Variants in OR4K17 observed in about 807,000 individuals in gnomAD.
The protein encoded by OR4K17 is olfactory receptor family 4 subfamily K member 17, also known as olfactory receptor 4K17.
For missense variants in OR4K17, 480 were observed against 366.3 expected, an observed-to-expected ratio of 1.31 and a Z score of -2.53; for synonymous variants, 157 against 132.8, an observed-to-expected ratio of 1.18 and a Z score of -1.25.
In OR4K17 at chr14:20,120,807, C is replaced by A. The variant is rs1878148707; in HGVS notation, c.*2369C>A. 6.6e-6 allele frequency: 1 copy of A among 152,408 alleles called. No individual in the cohort carries two copies. Among genetic ancestry groups the A allele is most frequent in the Non-Finnish European group, 1.5e-5 (1 of 68,212 alleles). 9.4% of individuals were successfully genotyped at this position (152,408 alleles called of 1,614,324 possible). ...ACATTTATGCCAAAACCACCACAAG[C>A]AGTTTCTCAAGCTGGACCCAGTGCC... On this transcript the variant is annotated 3_prime_UTR_variant, in exon 2 of 2. Transcript: ENST00000641386.
In OR4K17 at chr14:20,118,038, A is replaced by G. The variant is rs1878052064; in HGVS notation, c.539A>G (p.Asp180Gly). The change falls in exon 2 of 2, where the codon GAC (aspartate) becomes GGC (glycine). Residue 180 changes from aspartate (D) to glycine (G), a missense_variant. By Grantham distance (94) the Asp-to-Gly change is moderately conservative (BLOSUM62 -1). Transcript: ENST00000641386. ...GPNVVDSIFC[D>G]LPLVTKLACI... ...AATGTGGTAGACAGCATTTTTTGTG[A>G]CCTCCCTTTGGTTACTAAGCTTGCC... The G allele has an allele frequency of 1.9e-6, 3 of 1,613,102 alleles. No individual in the cohort carries two copies. In the South Asian group the frequency reaches 3.3e-5, roughly 18 times the overall value.
Position 20,119,297 on chromosome 14 carries a change from A to G in OR4K17, c.*859A>G, listed in dbSNP as rs762732407. 6.6e-6 allele frequency: 1 copy of G among 152,156 alleles called. No homozygotes were observed. Among genetic ancestry groups the G allele is most frequent in the East Asian group, 1.9e-4 (1 of 5,182 alleles). 9.4% of individuals were successfully genotyped at this position (152,156 alleles called of 1,614,324 possible). On this transcript the variant is annotated 3_prime_UTR_variant, in exon 2 of 2. Transcript: ENST00000641386. ...TTTATGAACAATTTGTGCCATTAACATAATCATCACAGGGTCCTGAGGCAA... is the reference window on the plus strand; with the variant it reads ...TTTATGAACAATTTGTGCCATTAACGTAATCATCACAGGGTCCTGAGGCAA...
At chr14:20,112,503 G>T (rs1438427019) in intron 1 of OR4K17, among the ~76,000 whole-genome samples, 1 of 152,088 alleles carries the variant, frequency 6.6e-6, no homozygotes, top group Non-Finnish European at 1.5e-5. Context: ...CAAAGTGGGT[G>T]TTCAGAGTCA....
intron 1 of OR4K17, among the ~76,000 whole-genome samples, chr14:20,115,373 A>G (rs1198932194): frequency 6.6e-6 from 1 of 152,080 alleles, no homozygotes; most frequent in Non-Finnish European, 1.5e-5. Flanking sequence ...TTTTGTATGT[A>G]TATGCTTATA....
Position 20,117,900 on chromosome 14 carries a change from C to A in OR4K17, c.401C>A (p.Thr134Asn), listed in dbSNP as rs755449310. 1.3e-5 allele frequency: 21 copies of A among 1,614,018 alleles called. No homozygotes were observed. The highest frequency in any genetic ancestry group is 2.7e-5 in the African/African-American group (2 of 74,996). The part of the protein sequence containing the change: ...VAICKPLHYM[T>N]IMNKKVCVLL... ...ATTTGTAAGCCCCTACACTACATGA[C>A]CATCATGAACAAGAAGGTATGTGTT... The change falls in exon 2 of 2, where the codon ACC becomes AAC. Residue 134 changes from threonine to asparagine, a missense_variant. Thr to Asn is a moderately conservative substitution (Grantham distance 65). Coordinates refer to ENST00000641386, the MANE Select transcript of OR4K17 (RefSeq NM_001004715.5).
At chr14:20,115,150 G>A (rs1169133752) in intron 1 of OR4K17, among the ~76,000 whole-genome samples, 1 of 151,972 alleles carries the variant, frequency 6.6e-6, no homozygotes, top group African/African-American at 2.4e-5. Context: ...AAACTTGCCT[G>A]TTTTGTTTCA....
Position 20,117,981 on chromosome 14 carries a change from C to G in OR4K17, c.482C>G (p.Pro161Arg), listed in dbSNP as rs1386003265. The G allele has an allele frequency of 6.8e-6, 11 of 1,614,112 alleles. No homozygotes were observed. Among genetic ancestry groups the G allele is most frequent in the Non-Finnish European group, 9.3e-6 (11 of 1,180,020 alleles). The change falls in exon 2 of 2, where the codon CCA becomes CGA. Residue 161 changes from proline to arginine, a missense_variant. Physicochemically the swap from Pro to Arg is moderately radical, Grantham distance 103. Transcript: ENST00000641386. ...CTCCTTCACTCAGGGTTTCAGATAC[C>G]ATTTGCTGTGAACTTGCCCTTTTGT... The part of the protein sequence containing the change: ...LGLLHSGFQI[P>R]FAVNLPFCGP...
Position 20,117,664 on chromosome 14 carries a change from G to A in OR4K17, c.165G>A (p.Leu55=), listed in dbSNP as rs2139056350. 6.2e-7 allele frequency: 1 copy of A among 1,613,930 alleles called. No individual in the cohort carries two copies. Among genetic ancestry groups the A allele is most frequent in the Non-Finnish European group, 8.5e-7 (1 of 1,179,958 alleles). The change falls in exon 2 of 2, where the codon CTG becomes CTA. Residue 55 remains leucine, a synonymous_variant. Coordinates refer to ENST00000641386, the MANE Select transcript of OR4K17 (RefSeq NM_001004715.5). ...IIVTVFNTPN[L]NTPMYFLLGN... is the part of the protein sequence containing the mutation. The stretch of plus-strand genomic sequence containing the variant: ...TCACAGTGTTTAACACCCCTAACCT[G>A]AATACTCCCATGTATTTTCTCCTTG...
Position 20,120,284 on chromosome 14 carries a change from C to T in OR4K17, c.*1846C>T, listed in dbSNP as rs1392808224. ...AGTGTCTCCTAAGAAACCAGTAATT[C>T]AGACTTTCCATATCTACCTACACTC... is the stretch of plus-strand genomic sequence containing the variant. On this transcript the variant is annotated 3_prime_UTR_variant, in exon 2 of 2. Coordinates refer to ENST00000641386, the MANE Select transcript of OR4K17 (RefSeq NM_001004715.5). 1 of 152,152 alleles carries T rather than the reference C, an allele frequency of 6.6e-6. No individual in the cohort carries two copies. The highest frequency in any genetic ancestry group is 1.5e-5 in the Non-Finnish European group (1 of 68,030). The allele number at this position is 152,152 out of a possible 1,614,324, so 9.4% of individuals were successfully genotyped here.
In OR4K17 at chr14:20,119,390, C is replaced by A. The variant is rs976486089; in HGVS notation, c.*952C>A. Reference sequence around the variant, plus strand: ...AAGTAAAGACAGGCATAGGAAATCACAAGAGTATTGATTGGGGAAGTGATA... The same window carrying A: ...AAGTAAAGACAGGCATAGGAAATCAAAAGAGTATTGATTGGGGAAGTGATA... On this transcript the variant is annotated 3_prime_UTR_variant, in exon 2 of 2. Coordinates refer to ENST00000641386, the MANE Select transcript of OR4K17 (RefSeq NM_001004715.5). The A allele has an allele frequency of 1.3e-5, 2 of 152,032 alleles. No individual in the cohort carries two copies. The highest frequency in any genetic ancestry group is 4.8e-5 in the African/African-American group (2 of 41,392). The allele number at this position is 152,032 out of a possible 1,614,324, so 9.4% of individuals were successfully genotyped here.
rs1463146086 is a variant in OR4K17 at position 20,120,216 on chromosome 14, T to G, written c.*1778T>G. On this transcript the variant is annotated 3_prime_UTR_variant, in exon 2 of 2. Transcript: ENST00000641386. ...CACTGTGAGATCATGTTTGGTTCTC[T>G]GTCTTCTTTACAATATTAATGTCTA... 6.6e-6 allele frequency: 1 copy of G among 152,236 alleles called. No individual in the cohort carries two copies. Among genetic ancestry groups the G allele is most frequent in the Non-Finnish European group, 1.5e-5 (1 of 68,042 alleles). The allele number at this position is 152,236 out of a possible 1,614,324, so 9.4% of individuals were successfully genotyped here.
rs572811388 is a variant in OR4K17, at chr14:20,117,561, A to G, written c.62A>G (p.Gln21Arg). Reference protein sequence around the residue: ...EFILLGLTSSQDVEFLLFALF... With the variant: ...EFILLGLTSSRDVEFLLFALF... ...ATTTTGCTGGGACTGACCAGCTCCCAGGATGTAGAGTTTCTTCTCTTTGCC... is the reference window on the plus strand; with the variant it reads ...ATTTTGCTGGGACTGACCAGCTCCCGGGATGTAGAGTTTCTTCTCTTTGCC... The change falls in exon 2 of 2, where the codon CAG becomes CGG. Residue 21 changes from glutamine to arginine, a missense_variant. By Grantham distance (43) the Gln-to-Arg change is conservative (BLOSUM62 1). Coordinates refer to ENST00000641386, the MANE Select transcript of OR4K17 (RefSeq NM_001004715.5). The G allele has an allele frequency of 1.2e-6, 2 of 1,614,014 alleles. No individual in the cohort carries two copies. Among genetic ancestry groups the G allele is most frequent in the South Asian group, 2.2e-5 (2 of 91,054 alleles).
intron 1 of OR4K17, among the ~76,000 whole-genome samples, chr14:20,111,380 A>G (rs533223730): frequency 3.3e-5 from 5 of 152,146 alleles, no homozygotes; most frequent in African/African-American, 1.2e-4. Flanking sequence ...ATTGATTTGG[A>G]CATTAACAGT....
At chr14:20,112,968 A>G (rs1021515685) in intron 1 of OR4K17, among the ~76,000 whole-genome samples, 6 of 152,058 alleles carry the variant, frequency 3.9e-5, no homozygotes, top group African/African-American at 1.4e-4. Flanking sequence ...TTGCTGCCCA[A>G]TAGTAATCTG....
chr14:20,113,629 T>C (rs112557022), intron 1 of OR4K17, among the ~76,000 whole-genome samples: 1 of 152,154 alleles, frequency 6.6e-6, no homozygotes, highest in East Asian at 1.9e-4. Context: ...GTTTCTAACA[T>C]AAAAAGTAAT....
chr14:20,118,517 A>G lies in OR4K17; in HGVS notation c.*79A>G. On this transcript the variant is annotated 3_prime_UTR_variant, in exon 2 of 2. Coordinates refer to ENST00000641386, the MANE Select transcript of OR4K17 (RefSeq NM_001004715.5). ...ACACTTTGGGAGGAATATCAGGGGA[A>G]CCAGCCCCCAATATTTCAACATAGG... 2.6e-6 allele frequency: 2 copies of G among 768,268 alleles called. No homozygotes were observed. The highest frequency in any genetic ancestry group is 4.2e-6 in the Non-Finnish European group (2 of 478,552). 47.6% of individuals were successfully genotyped at this position (768,268 alleles called of 1,614,324 possible). A position where few individuals can be genotyped will look rare whatever the true frequency, so the allele number is the denominator to read the frequency against.
intron 1 of OR4K17, among the ~76,000 whole-genome samples, chr14:20,115,332 G>T (rs1374621861): frequency 6.6e-6 from 1 of 151,838 alleles, no homozygotes; most frequent in Non-Finnish European, 1.5e-5. Context: ...AATAGTTGTG[G>T]CATTATTCAA....
At chr14:20,112,788 G>C (rs1395957282) in intron 1 of OR4K17, among the ~76,000 whole-genome samples, 1 of 151,982 alleles carries the variant, frequency 6.6e-6, no homozygotes, top group African/African-American at 2.4e-5. Flanking sequence ...TAAAAATCGA[G>C]AGGCAAAATC....
chr14:20,117,354 T>G, intron 1 of OR4K17, 114 bp from the exon 2 acceptor site: 18 of 1,271,722 alleles, frequency 1.4e-5, no homozygotes, highest in Admixed American at 2.2e-5. Flanking sequence ...ACACTAAATT[T>G]CAAGGTCCGT....
Sources: allele counts gnomAD v4.1 joint callset (sites outside exome capture counted in the v4.1 genomes callset), GRCh38; gene constraint gnomAD v4.1.1; transcripts MANE v1.5; gene names NCBI Gene and HGNC (gene_info 2026-07-23, HGNC 2026-07-21).